The following PHF21B variants were observed in gnomAD, a reference collection of about 807,000 sequenced individuals.
PHF21B encodes PHD finger protein 4.
A neutral mutation model predicts 62.2 loss-of-function variants in PHF21B; 22 were observed. The ratio of observed to expected loss-of-function variants is 0.35; its 90% CI spans 0.25 to 0.51. PHF21B has a LOEUF of 0.51. Ranked by LOEUF, PHF21B falls within the 20% of genes least tolerant of loss-of-function variation. The pLI, the probability that PHF21B is intolerant of heterozygous loss-of-function variation, is 0.97. For synonymous variants in PHF21B, 341 were observed against 314.7 expected, an observed-to-expected ratio of 1.08 and a Z score of -0.88; for missense variants, 701 against 707.9, an observed-to-expected ratio of 0.99 and a Z score of 0.11.
chr22:44,889,619 T>C, intron 9 of PHF21B, 141 bp downstream of exon 9: 1 of 1,039,538 alleles, frequency 9.6e-7, no homozygotes, highest in Non-Finnish European at 1.4e-6. Flanking sequence ...TGCACAAAGC[T>C]CTTAGCACCT....
At chr22:44,912,962 G>A (rs2071370857) in intron 5 of PHF21B, among the ~76,000 whole-genome samples, 1 of 151,270 alleles carries the variant, frequency 6.6e-6, no homozygotes, top group African/African-American at 2.4e-5. Context: ...AAGACCCAGA[G>A]TGGAGGATGT....
At chr22:44,981,247 CCTAA>C (rs2072836559) in intron 2 of PHF21B, among the ~76,000 whole-genome samples, 1 of 152,098 alleles carries the variant, frequency 6.6e-6, no homozygotes, top group Non-Finnish European at 1.5e-5. Context: ...AAGAAACTGC[CCTAA>C]CTGAGCGGCA....
intron 4 of PHF21B, 51 bp from the exon 5 acceptor site, chr22:44,914,139 C>G: frequency 1.1e-5 from 5 of 452,088 alleles, no homozygotes; most frequent in South Asian, 1.1e-4. Flanking sequence ...GTGAGGGGGG[C>G]TGGGGAGGTA....
At chr22:44,932,686 G>T (rs136691) in intron 2 of PHF21B, among the ~76,000 whole-genome samples, 5,252 of 152,336 alleles carry the variant, frequency 0.034, 192 homozygotes, top group African/African-American at 0.093. Context: ...TGGAATCTGA[G>T]GGTGCACCTC....
intron 5 of PHF21B, among the ~76,000 whole-genome samples, chr22:44,900,977 A>G (rs2071149153): frequency 6.6e-6 from 1 of 152,192 alleles, no homozygotes; most frequent in Non-Finnish European, 1.5e-5. Flanking sequence ...ATTTTCCTTG[A>G]ATTATATTTC....
At chr22:44,914,128 A>T in intron 4 of PHF21B, 40 bp from the exon 5 acceptor site, 5 of 304,000 alleles carry the variant, frequency 1.6e-5, no homozygotes, top group African/African-American at 3.6e-5. Flanking sequence ...GGAAGGGAAG[A>T]GTGAGGGGGG....
At chr22:44,903,970 T>C (rs2071205280) in intron 5 of PHF21B, among the ~76,000 whole-genome samples, 1 of 152,232 alleles carries the variant, frequency 6.6e-6, no homozygotes, top group Non-Finnish European at 1.5e-5. Context: ...TTATTTCCTC[T>C]ACTTTATTTG....
chr22:44,967,890 G>A (rs1039182648), intron 2 of PHF21B, among the ~76,000 whole-genome samples: 6 of 152,174 alleles, frequency 3.9e-5, no homozygotes, highest in African/African-American at 1.2e-4. Flanking sequence ...CAGGAATTTC[G>A]CAGAATGTCC....
chr22:44,926,770 C>G (rs1477607147), intron 2 of PHF21B, among the ~76,000 whole-genome samples: 2 of 152,140 alleles, frequency 1.3e-5, no homozygotes, highest in Non-Finnish European at 2.9e-5. Context: ...CTAGGGGTGG[C>G]CATGTATCCG....
chr22:44,894,226 A>C (rs1422073504), intron 6 of PHF21B, among the ~76,000 whole-genome samples: 1 of 152,254 alleles, frequency 6.6e-6, no homozygotes, highest in Non-Finnish European at 1.5e-5. Context: ...GGTCTAAAGA[A>C]AGAAAGAATT....
chr22:44,901,434 C>A (rs986909438), intron 5 of PHF21B: 10 of 176,588 alleles, frequency 5.7e-5, no homozygotes. Flanking sequence ...AAATTCACCT[C>A]ATTGCAGGAA....
Position 44,945,344 on chromosome 22 carries a change from TC to T in PHF21B, c.121-24855del, listed in dbSNP as rs1374193470. On this transcript the variant is annotated intron_variant, in intron 2 of 12. Coordinates refer to ENST00000313237, the MANE Select transcript of PHF21B (RefSeq NM_138415.5). Reference sequence around the variant, plus strand: ...CGCCCTGTGAATGGGGCGATTTAACTCCGTCTGAGTGACATGAAGCATGGGA... The same window carrying T: ...CGCCCTGTGAATGGGGCGATTTAACTCGTCTGAGTGACATGAAGCATGGGA... Among the ~76,000 whole-genome samples, 4 of 152,258 alleles carry T rather than the reference TC, an allele frequency of 2.6e-5. No individual in the cohort carries two copies. The East Asian group carries it at 7.7e-4, about 29-fold the overall frequency.
intron 2 of PHF21B, 55 bp from the exon 3 acceptor site, chr22:44,920,545 C>G: frequency 7.0e-7 from 1 of 1,419,920 alleles, no homozygotes; most frequent in Non-Finnish European, 9.7e-7. Flanking sequence ...AGACCGAATC[C>G]GTTGCCCCCA....
chr22:44,916,584 C>A lies in PHF21B; in HGVS notation c.260G>T (p.Gly87Val), dbSNP rs1161871208. 7 of 1,605,292 alleles carry A rather than the reference C, an allele frequency of 4.4e-6. No homozygotes were observed. The highest frequency in any genetic ancestry group is 4.2e-6 in the Non-Finnish European group (5 of 1,179,916). Residue 87 changes from glycine (G) to valine (V), a missense_variant, in exon 4 of 13, where the codon GGC (glycine) becomes GTC (valine). By Grantham distance (109) the Gly-to-Val change is moderately radical. Transcript: ENST00000313237. ...GGGCTGCTTGGGTGGCCGGTCCCGG[C>A]CCGGGGCAACGGGGAGGCTGTCTGG... ...LIPDSLPVAPGRDRPPKQPPT... is the reference protein window; with the variant it reads ...LIPDSLPVAPVRDRPPKQPPT...
At chr22:44,995,420 G>A (rs1199324853) in intron 2 of PHF21B, among the ~76,000 whole-genome samples, 2 of 152,100 alleles carry the variant, frequency 1.3e-5, no homozygotes, top group Admixed American at 1.3e-4. Context: ...TGGGGGGCTG[G>A]GGGACGAGTC....
chr22:44,898,104 A>G lies in PHF21B; in HGVS notation c.832-2021T>C, dbSNP rs151302795. Among the ~76,000 whole-genome samples, 1,224 of 152,258 alleles carry G rather than the reference A, an allele frequency of 8.0e-3. 10 individuals are homozygous for G. The highest frequency in any genetic ancestry group is 0.01 in the Non-Finnish European group (682 of 68,008). ...GATACAGGTGTGAGCCACTGTGCCC[A>G]GCCCTTTGTTTTCTGTCCCAGGATC... On this transcript the variant is annotated intron_variant, in intron 5 of 12. Coordinates refer to ENST00000313237, the MANE Select transcript of PHF21B (RefSeq NM_138415.5).
At chr22:44,995,082 C>G (rs1397981612) in intron 2 of PHF21B, among the ~76,000 whole-genome samples, 1 of 152,194 alleles carries the variant, frequency 6.6e-6, no homozygotes, top group Non-Finnish European at 1.5e-5. Flanking sequence ...GCAAACACTG[C>G]CTTGGGGAAG....
At chr22:44,949,786 C>T (rs1028358527) in intron 2 of PHF21B, among the ~76,000 whole-genome samples, 1 of 152,228 alleles carries the variant, frequency 6.6e-6, no homozygotes, top group Non-Finnish European at 1.5e-5. Context: ...GAGTTAAAGG[C>T]ATGCACTTTG....
intron 2 of PHF21B, among the ~76,000 whole-genome samples, chr22:44,990,881 C>T (rs1215146636): frequency 6.6e-6 from 1 of 152,214 alleles, no homozygotes; most frequent in East Asian, 1.9e-4. Flanking sequence ...TTTAATAAAG[C>T]CAGGAGTGTG....
Sources: gnomAD v4.1 joint callset for allele counts (sites outside exome capture counted in the v4.1 genomes callset) on GRCh38, gnomAD v4.1.1 for gene constraint, MANE v1.5 for transcripts, NCBI Gene and HGNC (gene_info 2026-07-23, HGNC 2026-07-21) for gene names.